The following MBD2 variants were observed in gnomAD, a reference collection of about 807,000 sequenced individuals.
The protein encoded by MBD2 is methyl-CpG-binding domain protein 2.
A neutral mutation model predicts 39.3 loss-of-function variants in MBD2; 9 were observed. The ratio of observed to expected loss-of-function variants is 0.23; its 90% CI spans 0.14 to 0.40. The LOEUF (loss-of-function observed/expected upper bound fraction) is 0.40, where lower values mean the gene tolerates loss of function less well. Among genes scored for constraint, MBD2 ranks in the 10% least tolerant of loss-of-function variants. The pLI is 1.00. For missense variants in MBD2, 458 were observed against 532.6 expected, an observed-to-expected ratio of 0.86 and a Z score of 1.38; for synonymous variants, 233 against 211.1, an observed-to-expected ratio of 1.10 and a Z score of -0.90.
At chr18:54,205,874 T>C (rs538574541) in intron 1 of MBD2, among the ~76,000 whole-genome samples, 3 of 151,962 alleles carry the variant, frequency 2.0e-5, no homozygotes, top group Admixed American at 1.3e-4. Flanking sequence ...AAGTACTACA[T>C]ATACAACTAC....
At position 54,154,603 on chromosome 18, in the gene MBD2, G is replaced by GA. The variant is rs1215732408; in HGVS notation, c.*720dup. 7.2e-5 allele frequency: 11 copies of GA among 151,992 alleles called. No homozygotes were observed. The highest frequency in any genetic ancestry group is 1.2e-4 in the Non-Finnish European group (8 of 67,954). The allele number at this position is 151,992 out of a possible 1,614,324, so 9.4% of individuals were successfully genotyped here. Reference sequence around the variant, plus strand: ...ATCAAAAGTCCAAGTCACAGGCAAGGAAAAAAAATTACACATGCTAGGTGA... The same window carrying GA: ...ATCAAAAGTCCAAGTCACAGGCAAGGAAAAAAAAATTACACATGCTAGGTGA... On this transcript the variant is annotated 3_prime_UTR_variant, in exon 7 of 7. Coordinates refer to ENST00000256429, the MANE Select transcript of MBD2 (RefSeq NM_003927.5).
intron 6 of MBD2, among the ~76,000 whole-genome samples, chr18:54,156,890 G>T (rs2086055631): frequency 1.3e-5 from 2 of 151,934 alleles, no homozygotes; most frequent in African/African-American, 4.8e-5. Context: ...CAGAAGTCTA[G>T]TAAAACCTCA....
intron 5 of MBD2, among the ~76,000 whole-genome samples, chr18:54,160,417 T>A (rs1042528855): frequency 6.6e-6 from 1 of 151,788 alleles, no homozygotes; most frequent in Non-Finnish European, 1.5e-5. Context: ...AGGCAACAGG[T>A]CAGCATGAAG....
chr18:54,168,317 A>T (rs2086151187), intron 3 of MBD2, among the ~76,000 whole-genome samples: 1 of 151,560 alleles, frequency 6.6e-6, no homozygotes, highest in South Asian at 2.1e-4. Context: ...TATAAAGAAA[A>T]AATTAGTAAA....
At chr18:54,201,862 CA>C (rs1205443782) in intron 2 of MBD2, among the ~76,000 whole-genome samples, 1,290 of 76,922 alleles carry the variant, frequency 0.017, 12 homozygotes, top group African/African-American at 0.045. Flanking sequence ...GACTCCATCT[CA>C]AAAAAAAAAA....
chr18:54,216,886 T>G (rs1298710915), intron 1 of MBD2, among the ~76,000 whole-genome samples: 1 of 152,078 alleles, frequency 6.6e-6, no homozygotes, highest in Non-Finnish European at 1.5e-5. Flanking sequence ...AGTTCAGGAG[T>G]TCGAGACCAG....
In MBD2 at chr18:54,224,618, G is replaced by C; in HGVS notation, c.-59C>G. On this transcript the variant is annotated 5_prime_UTR_variant, in exon 1 of 7. Coordinates refer to ENST00000256429, the MANE Select transcript of MBD2 (RefSeq NM_003927.5). ...CCGTAACCGAGCCCTTGGAATCCCG[G>C]AGACCCGCCCCGCCCGCAGCGCGGC... The C allele has an allele frequency of 1.0e-5, 12 of 1,178,044 alleles. No homozygotes were observed. The highest frequency in any genetic ancestry group is 1.2e-5 in the Non-Finnish European group (11 of 939,814). The allele number at this position is 1,178,044 out of a possible 1,614,324, so 73.0% of individuals were successfully genotyped here. A position where few individuals can be genotyped will look rare whatever the true frequency, so the allele number is the denominator to read the frequency against.
At chr18:54,209,585 TCTTCTCCGTAA>T (rs1344949879) in intron 1 of MBD2, among the ~76,000 whole-genome samples, 7 of 152,336 alleles carry the variant, frequency 4.6e-5, no homozygotes, top group South Asian at 2.1e-4. Context: ...CAAGCCATTT[TCTTCTCCGTAA>T]CTGCTACAGT....
At chr18:54,202,688 G>T in intron 2 of MBD2, 1 of 1,113,808 alleles carries the variant, frequency 9.0e-7, no homozygotes, top group Non-Finnish European at 1.1e-6. Context: ...AATAATGTAC[G>T]GTATAATTTA....
intron 5 of MBD2, among the ~76,000 whole-genome samples, chr18:54,161,493 T>C (rs1285949899): frequency 6.6e-6 from 1 of 152,206 alleles, no homozygotes; most frequent in Non-Finnish European, 1.5e-5. Context: ...ACATATTGGT[T>C]TCACTGGCAG....
intron 1 of MBD2, among the ~76,000 whole-genome samples, chr18:54,218,744 C>G (rs2086583560): frequency 6.6e-6 from 1 of 152,124 alleles, no homozygotes; most frequent in South Asian, 2.1e-4. Flanking sequence ...AGGTGGATCT[C>G]AAGGTCAGGA....
At chr18:54,164,382 G>A (rs528717762) in intron 5 of MBD2, 141 bp downstream of exon 5, 5 of 710,310 alleles carry the variant, frequency 7.0e-6, no homozygotes, top group South Asian at 6.5e-5. Context: ...ATCAGTTTCT[G>A]AAAAACTCTG....
chr18:54,152,596 A>C lies in MBD2; in HGVS notation c.*2728T>G, dbSNP rs575163936. ...CAACAAATAAATAAAATACAGACTT[A>C]GAAAATGTCTACAAAAGAAATAGGG... On this transcript the variant is annotated 3_prime_UTR_variant, in exon 7 of 7. Coordinates refer to ENST00000256429, the MANE Select transcript of MBD2 (RefSeq NM_003927.5). The C allele has an allele frequency of 1.3e-5, 2 of 152,394 alleles. No individual in the cohort carries two copies. Among genetic ancestry groups the C allele is most frequent in the Admixed American group, 6.5e-5 (1 of 15,308 alleles). 9.4% of individuals were successfully genotyped at this position (152,394 alleles called of 1,614,324 possible). A position where few individuals can be genotyped will look rare whatever the true frequency, so the allele number is the denominator to read the frequency against.
chr18:54,184,124 T>C (rs1406791434), intron 3 of MBD2, among the ~76,000 whole-genome samples: 1 of 152,010 alleles, frequency 6.6e-6, no homozygotes, highest in African/African-American at 2.4e-5. Context: ...ACTGAATTAC[T>C]TCCCCCCACC....
chr18:54,209,468 T>TAATGAATA (rs2086482401), intron 1 of MBD2, among the ~76,000 whole-genome samples: 1 of 152,218 alleles, frequency 6.6e-6, no homozygotes, highest in African/African-American at 2.4e-5. Flanking sequence ...TTCTTATTCA[T>TAATGAATA]AATGAATAAC....
chr18:54,163,949 C>T (rs746666802), intron 5 of MBD2, among the ~76,000 whole-genome samples: 3 of 152,048 alleles, frequency 2.0e-5, no homozygotes, highest in Admixed American at 6.6e-5. Flanking sequence ...AGGGATGTGA[C>T]GACAGCTCAC....
chr18:54,217,030 A>G (rs2144351192), intron 1 of MBD2, among the ~76,000 whole-genome samples: 1 of 152,320 alleles, frequency 6.6e-6, no homozygotes, highest in South Asian at 2.1e-4. Flanking sequence ...CAGAGGGTGC[A>G]GTGAGTGGAG....
rs377602079 is a variant in MBD2 at position 54,213,332 on chromosome 18, G to A, written c.543-8175C>T. Among the ~76,000 whole-genome samples the A allele has an allele frequency of 5.3e-4, 80 of 152,174 alleles. 1 individual carries two copies. The South Asian group carries it at 0.013, about 26-fold the overall frequency. On this transcript the variant is annotated intron_variant, in intron 1 of 6. Transcript: ENST00000256429. Reference sequence around the variant, plus strand: ...CCTACTGTGAACTGTACATGCGAGGGATCTAGGTTGCATGCTCCTTATGAG... The same window carrying A: ...CCTACTGTGAACTGTACATGCGAGGAATCTAGGTTGCATGCTCCTTATGAG...
rs147428616 is a variant in MBD2 at position 54,184,454 on chromosome 18, C to T, written c.840+4420G>A. On this transcript the variant is annotated intron_variant, in intron 3 of 6. Coordinates refer to ENST00000256429, the MANE Select transcript of MBD2 (RefSeq NM_003927.5). Reference sequence around the variant, plus strand: ...CTCACCTGGTCCATGGAAAAATTGTCTGCCACCAAACCAGTCCCTGATGCC... The same window carrying T: ...CTCACCTGGTCCATGGAAAAATTGTTTGCCACCAAACCAGTCCCTGATGCC... 1.1e-4 allele frequency among the ~76,000 whole-genome samples: 16 copies of T among 152,318 alleles called. 1 individual carries two copies. The East Asian group carries it at 2.9e-3, about 28-fold the overall frequency.
Sources: allele counts gnomAD v4.1 joint callset (sites outside exome capture counted in the v4.1 genomes callset), GRCh38; gene constraint gnomAD v4.1.1; transcripts MANE v1.5; gene names NCBI Gene and HGNC (gene_info 2026-07-23, HGNC 2026-07-21).